The following CLEC12A variants were observed in gnomAD, a reference collection of about 807,000 sequenced individuals.
CLEC12A encodes the protein C-type lectin protein CLL-1.
A neutral mutation model predicts 26.5 loss-of-function variants in CLEC12A; 22 were observed. The ratio of observed to expected loss-of-function variants is 0.83; its 90% confidence interval spans 0.59 to 1.19. The LOEUF (loss-of-function observed/expected upper bound fraction) is 1.19. Ranked by LOEUF, CLEC12A falls within the 50% of genes most tolerant of loss-of-function variation. The probability of loss-of-function intolerance (pLI) is 0.00; values close to 1 mark genes in which losing one functional copy is unlikely to be tolerated. For missense variants in CLEC12A, 353 were observed against 315.6 expected (o/e 1.12, Z -0.90); for synonymous variants, 119 against 101.9 (o/e 1.17, Z -1.01).
intron 1 of CLEC12A, among the ~76,000 whole-genome samples, chr12:9,965,229 C>T (rs558710794): frequency 6.6e-6 from 1 of 152,050 alleles, no homozygotes; most frequent in African/African-American, 2.4e-5. Flanking sequence ...GGGTGCGGTC[C>T]CAGCTCTTGT....
At chr12:9,995,033 G>A (rs746607238) in exon 5 of CLEC12A, 1 of 1,582,310 alleles carries the variant, frequency 6.3e-7, no homozygotes, top group Non-Finnish European at 8.6e-7. Flanking sequence ...AAGTGACCCA[G>A]CTGCTGCTTC....
downstream of CLEC12A, chr12:9,999,387 C>A: frequency 3.8e-6 from 1 of 262,552 alleles, no homozygotes; most frequent in Non-Finnish European, 7.1e-6. Context: ...TTATCTTCAA[C>A]ACTAAATAAA....
downstream of CLEC12A, among the ~76,000 whole-genome samples, chr12:10,000,185 A>G (rs902180199): frequency 6.6e-6 from 1 of 152,090 alleles, no homozygotes; most frequent in Non-Finnish European, 1.5e-5. Flanking sequence ...TTTGAATTCT[A>G]TTTTTCTTTA....
chr12:9,971,666 A>G lies in CLEC12A; in HGVS notation c.70A>G (p.Ile24Val), dbSNP rs762396359. Residue 24 changes from isoleucine (I) to valine (V), a missense_variant, in exon 1 of 6, where the codon ATT becomes GTT. By Grantham distance (29) the Ile-to-Val change is conservative. Transcript: ENST00000304361. Reference sequence around the variant, plus strand: ...CAGTGAGATGGAAAAAATCCCAGAAATTGGCAAATTTGGGGAAAAAGGTAA... The same window carrying G: ...CAGTGAGATGGAAAAAATCCCAGAAGTTGGCAAATTTGGGGAAAAAGGTAA... ...NSSEMEKIPE[I>V]GKFGEKAPPA... is the part of the protein sequence containing the mutation. The G allele has an allele frequency of 1.2e-6, 2 of 1,610,002 alleles. No individual in the cohort carries two copies. The highest frequency in any genetic ancestry group is 1.3e-5 in the African/African-American group (1 of 74,858).
Position 9,971,652 on chromosome 12 carries a change from A to T in CLEC12A, c.56A>T (p.Glu19Val). Residue 19 changes from glutamate to valine, a missense_variant, in exon 1 of 6, where the codon GAA becomes GTA. Glu to Val is a moderately radical substitution (Grantham distance 121). Transcript: ENST00000304361. ...DLQFQNSSEM[E>V]KIPEIGKFGE... ...CAATTCCAGAACTCCAGTGAGATGG[A>T]AAAAATCCCAGAAATTGGCAAATTT... 1.2e-6 allele frequency: 2 copies of T among 1,610,436 alleles called. No homozygotes were observed. Among genetic ancestry groups the T allele is most frequent in the Non-Finnish European group, 1.7e-6 (2 of 1,178,204 alleles).
intron 1 of CLEC12A, among the ~76,000 whole-genome samples, chr12:9,975,363 G>T (rs1012404018): frequency 2.0e-5 from 3 of 152,158 alleles, no homozygotes; most frequent in Non-Finnish European, 4.4e-5. Flanking sequence ...TGGTGATAAG[G>T]CTGAGGTGGT....
chr12:9,992,964 G>T, intron 4 of CLEC12A: 1 of 543,904 alleles, frequency 1.8e-6, no homozygotes, highest in Non-Finnish European at 3.2e-6. Flanking sequence ...AAACTCACGT[G>T]ATGGCTTCTG....
intron 5 of CLEC12A, among the ~76,000 whole-genome samples, 163 bp downstream of exon 5, chr12:9,982,292 TA>T (rs1293114382): frequency 1.3e-5 from 2 of 152,264 alleles, no homozygotes; most frequent in South Asian, 2.1e-4. Flanking sequence ...TACATAAAGT[TA>T]CCATAAATGC....
chr12:9,957,637 T>C (rs1863764703), intron 1 of CLEC12A, among the ~76,000 whole-genome samples: 1 of 152,150 alleles, frequency 6.6e-6, no homozygotes, highest in African/African-American at 2.4e-5. Flanking sequence ...TATGCCTCAG[T>C]CTAGATCAGT....
downstream of CLEC12A, chr12:9,997,407 A>G: frequency 2.5e-6 from 2 of 787,684 alleles, no homozygotes; most frequent in South Asian, 3.9e-5. Context: ...ACACATGATT[A>G]AATGAATGTT....
chr12:9,970,117 G>A (rs1864072786), upstream of CLEC12A, among the ~76,000 whole-genome samples: 1 of 152,158 alleles, frequency 6.6e-6, no homozygotes, highest in Non-Finnish European at 1.5e-5. Context: ...GAGAAAATCA[G>A]TTGTTTTAAT....
chr12:9,955,187 C>T lies in CLEC12A; in HGVS notation c.10+3831C>T, dbSNP rs766978777. The stretch of plus-strand genomic sequence containing the variant: ...CTGCAAGCTCTGCCTCCCGGGTTCA[C>T]GCCATTCTCCTGCCTCAGCCTCCTG... On this transcript the variant is annotated intron_variant, in intron 1 of 6. Transcript: ENST00000355690. 1.2e-4 allele frequency among the ~76,000 whole-genome samples: 19 copies of T among 152,088 alleles called. 1 individual carries two copies. Among genetic ancestry groups the T allele is most frequent in the East Asian group, 9.6e-4 (5 of 5,184 alleles).
chr12:9,993,854 T>G (rs1028600748), intron 4 of CLEC12A, among the ~76,000 whole-genome samples: 5 of 152,164 alleles, frequency 3.3e-5, no homozygotes, highest in Non-Finnish European at 7.4e-5. Flanking sequence ...GAATATATAC[T>G]TATTGGTTTA....
chr12:9,993,700 G>A (rs1170569982), intron 4 of CLEC12A, among the ~76,000 whole-genome samples: 6 of 152,066 alleles, frequency 3.9e-5, no homozygotes, highest in East Asian at 1.9e-4. Context: ...ATGGGAATAC[G>A]CTCATGGAAA....
intron 1 of CLEC12A, among the ~76,000 whole-genome samples, chr12:9,976,083 A>G (rs1591827495): frequency 6.6e-6 from 1 of 152,356 alleles, no homozygotes; most frequent in Non-Finnish European, 1.5e-5. Context: ...AGTTTGCTGC[A>G]GGCATGGGGT....
Position 9,977,241 on chromosome 12 carries a change from C to T in CLEC12A, c.92-1725C>T, listed in dbSNP as rs550812706. Among the ~76,000 whole-genome samples the T allele has an allele frequency of 4.6e-5, 7 of 152,148 alleles. No homozygotes were observed. In the East Asian group the frequency reaches 1.4e-3, roughly 29 times the overall value. On this transcript the variant is annotated intron_variant, in intron 1 of 5. Coordinates refer to ENST00000304361, the MANE Select transcript of CLEC12A (RefSeq NM_138337.6). ...AATTTATCCATGGGTCATCAAATTC[C>T]CTAGTACTAGCTAGTCAAACTTCTG...
chr12:9,983,476 A>C (rs910503306), intron 5 of CLEC12A: 10 of 692,402 alleles, frequency 1.4e-5, no homozygotes, highest in Non-Finnish European at 2.4e-5. Flanking sequence ...TTTACATATA[A>C]AAATAGTGGC....
upstream of CLEC12A, among the ~76,000 whole-genome samples, chr12:9,967,121 T>C (rs892241075): frequency 2.0e-5 from 3 of 151,666 alleles, no homozygotes; most frequent in Non-Finnish European, 4.4e-5. Flanking sequence ...GAGGAAGAAT[T>C]GGGACCTAGC....
At chr12:9,962,296 T>A (rs1165090321) in intron 1 of CLEC12A, among the ~76,000 whole-genome samples, 1 of 151,428 alleles carries the variant, frequency 6.6e-6, no homozygotes, top group Non-Finnish European at 1.5e-5. Flanking sequence ...TGTTTCTTTT[T>A]GGTACCTGAG....
Sources: gnomAD v4.1 joint callset for allele counts (sites outside exome capture counted in the v4.1 genomes callset) on GRCh38, gnomAD v4.1.1 for gene constraint, MANE v1.5 for transcripts, NCBI Gene and HGNC (gene_info 2026-07-23, HGNC 2026-07-21) for gene names.